The following ANK3 variants were observed in gnomAD, a reference collection of about 807,000 sequenced individuals.
ANK3 encodes the protein ankyrin 3.
ANK3 carries 57 observed loss-of-function variants against 370.9 expected under a neutral mutation model. That is an observed-to-expected ratio of 0.15 (90% CI 0.12 to 0.19). ANK3 has a LOEUF of 0.19. Among genes scored for constraint, ANK3 ranks in the 10% least tolerant of loss-of-function variants. The probability of loss-of-function intolerance (pLI) is 1.00; values close to 1 mark genes in which losing one functional copy is unlikely to be tolerated. For synonymous variants in ANK3, 1,929 were observed against 1,946.3 expected, an observed-to-expected ratio of 0.99 and a Z score of 0.23; for missense variants, 4,439 against 5,302.1, an observed-to-expected ratio of 0.84 and a Z score of 5.06.
chr10:60,131,938 G>A (rs571740936), intron 25 of ANK3, among the ~76,000 whole-genome samples: 1 of 152,280 alleles, frequency 6.6e-6, no homozygotes, highest in East Asian at 1.9e-4. Flanking sequence ...TTCTACATTA[G>A]CAAAGTGTCA....
At chr10:60,214,435 A>G (rs1019430514) in intron 8 of ANK3, among the ~76,000 whole-genome samples, 2 of 152,104 alleles carry the variant, frequency 1.3e-5, no homozygotes, top group African/African-American at 2.4e-5. Flanking sequence ...CAGAACGTGT[A>G]GGTTTGTTAC....
chr10:60,402,824 G>C (rs7087726), intron 2 of ANK3, among the ~76,000 whole-genome samples: 114,558 of 152,094 alleles, frequency 0.75, 43,336 homozygotes, highest in South Asian at 0.91. Flanking sequence ...AACCAAAGAC[G>C]CTATTTGTGG....
At chr10:60,168,388 T>C (rs1420649761) in intron 21 of ANK3, among the ~76,000 whole-genome samples, 1 of 152,192 alleles carries the variant, frequency 6.6e-6, no homozygotes, top group Non-Finnish European at 1.5e-5. Context: ...ATTGATACAT[T>C]ATTATTAAAG....
At chr10:60,102,839 T>G (rs2091511671) in intron 28 of ANK3, among the ~76,000 whole-genome samples, 1 of 152,178 alleles carries the variant, frequency 6.6e-6, no homozygotes, top group African/African-American at 2.4e-5. Context: ...AGAAGGGGGT[T>G]GAAAAAGTAA....
chr10:60,240,509 G>A (rs139889181), intron 7 of ANK3, among the ~76,000 whole-genome samples: 2,762 of 151,724 alleles, frequency 0.018, 36 homozygotes, highest in Admixed American at 0.027. Flanking sequence ...TCTCCATGTT[G>A]GTCAGGCTGG....
intron 24 of ANK3, 111 bp downstream of exon 24, chr10:60,138,853 C>G (rs2094456105): frequency 1.3e-5 from 18 of 1,417,250 alleles, no homozygotes; most frequent in Non-Finnish European, 1.7e-5. Context: ...AAATTCACAT[C>G]TTCATCCAAA....
intron 1 of ANK3, among the ~76,000 whole-genome samples, chr10:60,626,406 A>T (rs539454604): frequency 1.9e-4 from 29 of 152,218 alleles, no homozygotes; most frequent in Non-Finnish European, 4.0e-4. Context: ...ATAATACTTC[A>T]AGACATCTTC....
At chr10:60,729,645 T>C (rs1389491297) in intron 1 of ANK3, among the ~76,000 whole-genome samples, 3 of 152,172 alleles carry the variant, frequency 2.0e-5, no homozygotes, top group African/African-American at 7.2e-5. Flanking sequence ...ATAATTTATT[T>C]CATATTTTAA....
At chr10:60,433,492 C>T (rs1399997141) in intron 2 of ANK3, among the ~76,000 whole-genome samples, 2 of 152,116 alleles carry the variant, frequency 1.3e-5, no homozygotes, top group Non-Finnish European at 2.9e-5. Context: ...TGTTGGGAGG[C>T]TGAGGCATGA....
At chr10:60,688,081 A>T (rs1266956411) in intron 1 of ANK3, among the ~76,000 whole-genome samples, 3 of 151,298 alleles carry the variant, frequency 2.0e-5, no homozygotes, top group African/African-American at 7.3e-5. Context: ...AAGAATTACT[A>T]ACTTTTTTTT....
At chr10:60,622,471 G>A (rs765117259) in intron 1 of ANK3, among the ~76,000 whole-genome samples, 21 of 152,022 alleles carry the variant, frequency 1.4e-4, no homozygotes, top group Non-Finnish European at 2.8e-4. Context: ...TCAAGCTCCT[G>A]ACCTCATGAT....
In ANK3 at chr10:60,071,425, A is replaced by G. The variant is rs41274670; in HGVS notation, c.9456T>C (p.Thr3152=). 1.8e-4 allele frequency: 297 copies of G among 1,614,106 alleles called. No homozygotes were observed. The highest frequency in any genetic ancestry group is 2.4e-4 in the Non-Finnish European group (286 of 1,179,994). ...PSPQGSPEDD[T]LEQVSFLDSS... is the part of the protein sequence containing the mutation. Reference sequence around the variant, plus strand: ...TGTCTAGAAAGGATACTTGCTCTAGAGTATCATCTTCTGGACTACCTTGGG... The same window carrying G: ...TGTCTAGAAAGGATACTTGCTCTAGGGTATCATCTTCTGGACTACCTTGGG... Residue 3152 remains threonine (T), a synonymous_variant, in exon 37 of 44, where the codon ACT becomes ACC. Transcript: ENST00000280772.
chr10:60,198,960 A>G (rs2096629740), intron 13 of ANK3, among the ~76,000 whole-genome samples: 1 of 152,148 alleles, frequency 6.6e-6, no homozygotes, highest in Admixed American at 6.5e-5. Context: ...CTGCCTTCCC[A>G]TAGACAAAAG....
intron 1 of ANK3, among the ~76,000 whole-genome samples, chr10:60,366,258 G>A (rs928976269): frequency 9.9e-5 from 15 of 152,086 alleles, no homozygotes; most frequent in Admixed American, 2.6e-4. Flanking sequence ...GCTTGAACCC[G>A]GGAGGCGGAG....
At chr10:60,482,548 C>G (rs1291016309) in intron 2 of ANK3, among the ~76,000 whole-genome samples, 1 of 152,068 alleles carries the variant, frequency 6.6e-6, no homozygotes, top group South Asian at 2.1e-4. Context: ...AGTGCAGTGG[C>G]TGATCACAGC....
intron 1 of ANK3, among the ~76,000 whole-genome samples, chr10:60,294,317 T>A (rs781116627): frequency 2.0e-5 from 3 of 152,146 alleles, no homozygotes; most frequent in Non-Finnish European, 2.9e-5. Context: ...CCTGGTCAGA[T>A]AATTAGAGGC....
At chr10:60,202,223 G>A (rs2096691344) in intron 12 of ANK3, among the ~76,000 whole-genome samples, 1 of 152,036 alleles carries the variant, frequency 6.6e-6, no homozygotes, top group Non-Finnish European at 1.5e-5. Flanking sequence ...CCAGGTTCAG[G>A]CAATTCTCCT....
chr10:60,129,544 G>T (rs1184973132), intron 25 of ANK3, among the ~76,000 whole-genome samples: 2 of 152,180 alleles, frequency 1.3e-5, no homozygotes, highest in Non-Finnish European at 2.9e-5. Flanking sequence ...TTGAGGTCAG[G>T]AGTTCGAGAC....
chr10:60,598,012 T>C (rs1317708284), intron 2 of ANK3, among the ~76,000 whole-genome samples: 1 of 152,170 alleles, frequency 6.6e-6, no homozygotes, highest in African/African-American at 2.4e-5. Context: ...ATTCAATACA[T>C]AGAGTTAATT....
Sources: gnomAD v4.1 joint callset for allele counts (sites outside exome capture counted in the v4.1 genomes callset) on GRCh38, gnomAD v4.1.1 for gene constraint, MANE v1.5 for transcripts, NCBI Gene and HGNC (gene_info 2026-07-23, HGNC 2026-07-21) for gene names.